VPS13B: variants seen among roughly 807,000 people sequenced by gnomAD.
VPS13B encodes the protein vacuolar protein sorting 13 homolog B, also known as intermembrane lipid transfer protein VPS13B.
VPS13B carries 285 observed loss-of-function variants against 426.4 expected under a neutral mutation model. The observed-to-expected ratio is 0.67, with a 90% CI of 0.61 to 0.74. The LOEUF (loss-of-function observed/expected upper bound fraction) is 0.74. Among genes scored for constraint, VPS13B ranks in the 30% least tolerant of loss-of-function variants. VPS13B has a pLI of 0.00. For synonymous variants in VPS13B, 1,676 were observed against 1,676.4 expected (o/e 1.00, Z 0.01); for missense variants, 4,537 against 4,782.6 (o/e 0.95, Z 1.51).
intron 19 of VPS13B, among the ~76,000 whole-genome samples, chr8:99,289,303 G>C (rs1819606166): frequency 6.6e-6 from 1 of 152,042 alleles, no homozygotes; most frequent in Non-Finnish European, 1.5e-5. Context: ...GGTTTAGTTA[G>C]GAGAATGCTA....
intron 3 of VPS13B, among the ~76,000 whole-genome samples, chr8:99,055,033 G>GTTTTTTTTTTTTTTTTTTTTTTTTT (rs775826222): frequency 9.1e-6 from 1 of 109,356 alleles, no homozygotes; most frequent in Non-Finnish European, 1.9e-5. Context: ...TTGTATTTCT[G>GTTTTTTTTTTTTTTTTTTTTTTTTT]TTTTTTTTTT....
chr8:99,110,990 C>A, intron 5 of VPS13B, 108 bp from the exon 6 acceptor site: 1 of 847,406 alleles, frequency 1.2e-6, no homozygotes, highest in Non-Finnish European at 1.7e-6. Flanking sequence ...CTCCATGAAT[C>A]TTATTTTCTG....
At chr8:99,502,106 T>G (rs1821278591) in intron 26 of VPS13B, among the ~76,000 whole-genome samples, 1 of 152,036 alleles carries the variant, frequency 6.6e-6, no homozygotes, top group African/African-American at 2.4e-5. Context: ...TGCCTCAGCC[T>G]CCCGAATAGC....
chr8:99,501,880 T>TTCCCTCCCTCCCTCTG, intron 26 of VPS13B, 22 bp downstream of exon 26: 1 of 1,605,572 alleles, frequency 6.2e-7, no homozygotes, highest in South Asian at 1.1e-5. Context: ...CTTTTCTTTC[T>TTCCCTCCCTCCCTCTG]TCCCTCCCTC....
chr8:99,242,313 A>T (rs1388380984), intron 17 of VPS13B, among the ~76,000 whole-genome samples: 2 of 152,210 alleles, frequency 1.3e-5, no homozygotes, highest in Non-Finnish European at 2.9e-5. Context: ...ATATTAATGG[A>T]TATGTTTCAG....
At chr8:99,345,892 G>A (rs1811509333) in intron 19 of VPS13B, among the ~76,000 whole-genome samples, 1 of 152,178 alleles carries the variant, frequency 6.6e-6, no homozygotes, top group Non-Finnish European at 1.5e-5. Flanking sequence ...GCGAGGGCAG[G>A]GAGAAGTGTC....
chr8:99,789,745 G>T (rs1428498988), intron 43 of VPS13B, among the ~76,000 whole-genome samples: 3 of 152,008 alleles, frequency 2.0e-5, no homozygotes, highest in Non-Finnish European at 2.9e-5. Flanking sequence ...TTTTTACATG[G>T]AATGGAGGAA....
chr8:99,471,255 TA>T (rs1563748380), intron 24 of VPS13B, among the ~76,000 whole-genome samples: 1 of 152,086 alleles, frequency 6.6e-6, no homozygotes, highest in African/African-American at 2.4e-5. Context: ...ATATATTTTT[TA>T]AAAAACTACT....
intron 30 of VPS13B, among the ~76,000 whole-genome samples, chr8:99,554,126 TC>T (rs1463779858): frequency 6.6e-6 from 1 of 152,110 alleles, no homozygotes; most frequent in Non-Finnish European, 1.5e-5. Flanking sequence ...ATACAGCTTT[TC>T]CATGTATCAA....
intron 17 of VPS13B, among the ~76,000 whole-genome samples, chr8:99,196,331 T>A (rs1813922969): frequency 6.6e-6 from 1 of 151,960 alleles, no homozygotes; most frequent in Admixed American, 6.6e-5. Flanking sequence ...TTTTCCTAAA[T>A]TTTTTTTGGA....
chr8:99,867,044 C>T (rs944643483), intron 58 of VPS13B, among the ~76,000 whole-genome samples: 2 of 152,176 alleles, frequency 1.3e-5, no homozygotes, highest in African/African-American at 4.8e-5. Flanking sequence ...AATGCATAAA[C>T]TTAAATGTCT....
intron 35 of VPS13B, among the ~76,000 whole-genome samples, chr8:99,682,778 G>C (rs1831208232): frequency 6.6e-6 from 1 of 152,162 alleles, no homozygotes; most frequent in South Asian, 2.1e-4. Context: ...CAAGGTCCTA[G>C]GGCTCTATAA....
intron 33 of VPS13B, among the ~76,000 whole-genome samples, chr8:99,622,713 G>A (rs188961291): frequency 9.9e-5 from 15 of 152,122 alleles, no homozygotes; most frequent in Middle Eastern, 3.4e-3. Flanking sequence ...CAATCCTACC[G>A]CATCCATAGT....
chr8:99,758,812 T>C (rs1810770195), intron 39 of VPS13B, among the ~76,000 whole-genome samples: 7 of 152,052 alleles, frequency 4.6e-5, no homozygotes, highest in Non-Finnish European at 1.5e-5. Context: ...CCCCTAAACC[T>C]CCACCTGTTC....
rs750875099 is a variant in VPS13B, at chr8:99,818,727, T to C, written c.8460T>C (p.Pro2820=). 3.7e-6 allele frequency: 6 copies of C among 1,613,894 alleles called. No homozygotes were observed. Among genetic ancestry groups the C allele is most frequent in the Middle Eastern group, 1.7e-4 (1 of 6,054 alleles). ...TATTTTTATAGATTGTGTTCAGCCCTCTTTTTATCATGAGGAGTCATCTTC... is the reference window on the plus strand; with the variant it reads ...TATTTTTATAGATTGTGTTCAGCCCCCTTTTTATCATGAGGAGTCATCTTC... ...QVQQRMIVFS[P]LFIMRSHLPD... Residue 2820 remains proline (P), a synonymous_variant, in exon 47 of 62, where the codon CCT becomes CCC. Coordinates refer to ENST00000357162, the MANE Select transcript of VPS13B (RefSeq NM_152564.5).
chr8:99,655,696 C>T (rs1437115063), intron 34 of VPS13B, among the ~76,000 whole-genome samples: 1 of 152,154 alleles, frequency 6.6e-6, no homozygotes, highest in Non-Finnish European at 1.5e-5. Context: ...GTACTGTCTC[C>T]TCCCTGCTTT....
At chr8:99,572,294 ACTT>A (rs1192388555) in intron 31 of VPS13B, among the ~76,000 whole-genome samples, 1 of 152,146 alleles carries the variant, frequency 6.6e-6, no homozygotes, top group Non-Finnish European at 1.5e-5. Context: ...TTTACCATGT[ACTT>A]CCTTTGAAAT....
At chr8:99,162,710 C>T (rs1318913149) in intron 15 of VPS13B, among the ~76,000 whole-genome samples, 3 of 152,112 alleles carry the variant, frequency 2.0e-5, no homozygotes, top group East Asian at 1.9e-4. Flanking sequence ...CAGATCTTCG[C>T]GGTGAGTGTT....
At chr8:99,418,387 G>T (rs1217555903) in intron 21 of VPS13B, among the ~76,000 whole-genome samples, 1 of 149,362 alleles carries the variant, frequency 6.7e-6, no homozygotes, top group Non-Finnish European at 1.5e-5. Context: ...TATAGCAATA[G>T]ATATATTGTA....
Sources: gnomAD v4.1 joint callset for allele counts (sites outside exome capture counted in the v4.1 genomes callset) on GRCh38, gnomAD v4.1.1 for gene constraint, MANE v1.5 for transcripts, NCBI Gene and HGNC (gene_info 2026-07-23, HGNC 2026-07-21) for gene names.